CERS3: variants seen among roughly 807,000 people sequenced by gnomAD.
The protein encoded by CERS3 is LAG1 homolog, ceramide synthase 3.
A neutral mutation model predicts 50.3 loss-of-function variants in CERS3; 33 were observed. The observed-to-expected ratio is 0.66, with a 90% confidence interval of 0.50 to 0.88. The LOEUF is 0.88. Ranked by LOEUF, CERS3 falls within the 40% of genes least tolerant of loss-of-function variation. CERS3 has a pLI of 0.00. For missense variants in CERS3, 470 were observed against 460.3 expected (o/e 1.02, Z -0.19); for synonymous variants, 176 against 155.2 (o/e 1.13, Z -0.99).
intron 2 of CERS3, among the ~76,000 whole-genome samples, chr15:100,502,921 CAATAAGTGGACAT>C (rs2036056102): frequency 6.6e-6 from 1 of 151,906 alleles, no homozygotes; most frequent in Admixed American, 6.6e-5. Flanking sequence ...ATATCTTGAA[CAATAAGTGGACAT>C]AAGCCAGGAA....
chr15:100,540,401 G>A (rs942399790), intron 1 of CERS3, among the ~76,000 whole-genome samples: 27 of 152,164 alleles, frequency 1.8e-4, no homozygotes, highest in Admixed American at 6.5e-4. Context: ...AAAATTAGCC[G>A]GGCGTGGTGA....
intron 2 of CERS3, among the ~76,000 whole-genome samples, chr15:100,506,584 C>T (rs2036191200): frequency 6.6e-6 from 1 of 150,938 alleles, no homozygotes; most frequent in African/African-American, 2.4e-5. Context: ...TCCCATAAGA[C>T]TTTGTAATTC....
At chr15:100,514,394 C>T (rs1195110228) in intron 2 of CERS3, among the ~76,000 whole-genome samples, 2 of 152,102 alleles carry the variant, frequency 1.3e-5, no homozygotes, top group African/African-American at 4.8e-5. Context: ...CTACTACATG[C>T]ATCTGTTACT....
intron 2 of CERS3, among the ~76,000 whole-genome samples, chr15:100,504,195 AAGGCTGTGCCCC>A (rs2036098727): frequency 6.6e-6 from 1 of 150,558 alleles, no homozygotes; most frequent in African/African-American, 2.5e-5. Flanking sequence ...CCACACCTGC[AAGGCTGTGCCCC>A]TGGAGAAAGG....
chr15:100,415,396 A>G (rs2654612), intron 11 of CERS3, among the ~76,000 whole-genome samples: 150,317 of 152,258 alleles, frequency 0.99, 74,229 homozygotes, highest in Middle Eastern at 1. Context: ...AATTCCTCAA[A>G]GAACTAGAAC....
Position 100,441,072 on chromosome 15 carries a change from G to A in CERS3, c.999+14821C>T, listed in dbSNP as rs368259900. On this transcript the variant is annotated intron_variant, in intron 11 of 11. Coordinates refer to ENST00000679737, the MANE Select transcript of CERS3 (RefSeq NM_001378789.1). The stretch of plus-strand genomic sequence containing the variant: ...TCCTTCACCCTTAGCGGCAAGTCCC[G>A]CTTTTCTGGGGGAGGGGCAGGAACC... Among the ~76,000 whole-genome samples the A allele has an allele frequency of 5.9e-5, 9 of 152,260 alleles. No homozygotes were observed. The South Asian group carries it at 1.2e-3, about 21-fold the overall frequency.
chr15:100,497,666 C>T (rs1567663112), intron 3 of CERS3, among the ~76,000 whole-genome samples: 1 of 151,946 alleles, frequency 6.6e-6, no homozygotes, highest in Non-Finnish European at 1.5e-5. Context: ...TCTAGAGGGT[C>T]ATGTGAGAAA....
At chr15:100,421,646 A>G (rs1471788173) in intron 11 of CERS3, among the ~76,000 whole-genome samples, 1 of 149,946 alleles carries the variant, frequency 6.7e-6, no homozygotes, top group Non-Finnish European at 1.5e-5. Flanking sequence ...AGCCAAAAGA[A>G]CAAAGCTGGA....
At chr15:100,533,809 C>T (rs937254937), upstream of CERS3, among the ~76,000 whole-genome samples, 4 of 152,150 alleles carry the variant, frequency 2.6e-5, no homozygotes, top group Admixed American at 1.3e-4. Flanking sequence ...TCACCTGCCT[C>T]GGCCTCCCAA....
rs183429385 is a variant in CERS3, at chr15:100,490,981, C to T, written c.174-50G>A. The T allele has an allele frequency of 3.0e-4, 311 of 1,046,446 alleles. 1 individual carries two copies. The Admixed American group carries it at 3.7e-3, about 12-fold the overall frequency. The allele number at this position is 1,046,446 out of a possible 1,614,324, so 64.8% of individuals were successfully genotyped here. On this transcript the variant is annotated intron_variant, in intron 3 of 11. Coordinates refer to ENST00000679737, the MANE Select transcript of CERS3 (RefSeq NM_001378789.1). ...AGTTCAAAATCTAAGAATAAATCCA[C>T]GATGACACCAGAAAATTAAAGCTGT...
chr15:100,402,942 T>C, intron 11 of CERS3, 77 bp from the exon 12 acceptor site: 1 of 1,417,200 alleles, frequency 7.1e-7, no homozygotes. Context: ...ACAGCCAGTT[T>C]CAAGTATGGC....
rs990615584 is a variant in CERS3 at position 100,402,614 on chromosome 15, G to A, written c.*99C>T. 4.1e-6 allele frequency: 5 copies of A among 1,204,848 alleles called. No individual in the cohort carries two copies. In the Admixed American group the frequency reaches 9.7e-5, roughly 23 times the overall value. The allele number at this position is 1,204,848 out of a possible 1,614,324, so 74.6% of individuals were successfully genotyped here. A position where few individuals can be genotyped will look rare whatever the true frequency, so the allele number is the denominator to read the frequency against. ...TGGGAGGGAAGGCGGTGGTGAGAAA[G>A]AGGGAAGGGCAGAATGTGGGGTCGG... On this transcript the variant is annotated 3_prime_UTR_variant, in exon 12 of 12. Coordinates refer to ENST00000679737, the MANE Select transcript of CERS3 (RefSeq NM_001378789.1).
chr15:100,442,174 T>C (rs551106180), intron 11 of CERS3, among the ~76,000 whole-genome samples: 102 of 152,270 alleles, frequency 6.7e-4, no homozygotes, highest in Admixed American at 2.8e-3. Context: ...TTAGGCTCTT[T>C]TTCATCAAAT....
chr15:100,533,702 C>A (rs141126810), upstream of CERS3, among the ~76,000 whole-genome samples: 3,232 of 152,042 alleles, frequency 0.021, 54 homozygotes, highest in South Asian at 0.047. Flanking sequence ...GGATTACAGG[C>A]ACGTGTTACC....
chr15:100,498,853 T>C (rs181586107), intron 3 of CERS3, among the ~76,000 whole-genome samples: 98 of 152,390 alleles, frequency 6.4e-4, no homozygotes, highest in Admixed American at 2.5e-3. Context: ...TCAGAGGCTC[T>C]GTGAGCAGAG....
At chr15:100,539,644 G>A (rs2037152891) in intron 1 of CERS3, among the ~76,000 whole-genome samples, 1 of 152,186 alleles carries the variant, frequency 6.6e-6, no homozygotes, top group Non-Finnish European at 1.5e-5. Context: ...GCATGATTCA[G>A]TTACTTCTAC....
chr15:100,477,591 T>G (rs1429849370), intron 7 of CERS3, among the ~76,000 whole-genome samples: 1 of 152,190 alleles, frequency 6.6e-6, no homozygotes, highest in Non-Finnish European at 1.5e-5. Context: ...GTGAACCCTG[T>G]TTCTTGAGAA....
intron 1 of CERS3, 21 bp downstream of exon 1, chr15:100,528,792 C>T (rs1362679308): frequency 6.6e-6 from 1 of 152,332 alleles, no homozygotes; most frequent in Non-Finnish European, 1.5e-5. Flanking sequence ...ATACTAACCA[C>T]ATCCATGGGA....
intron 11 of CERS3, among the ~76,000 whole-genome samples, chr15:100,405,194 A>C (rs938707917): frequency 6.6e-6 from 1 of 151,538 alleles, no homozygotes; most frequent in Non-Finnish European, 1.5e-5. Context: ...TCACATATCC[A>C]ATTTGTATGC....
Sources: gnomAD v4.1 joint callset for allele counts (sites outside exome capture counted in the v4.1 genomes callset) on GRCh38, gnomAD v4.1.1 for gene constraint, MANE v1.5 for transcripts, NCBI Gene and HGNC (gene_info 2026-07-23, HGNC 2026-07-21) for gene names.